Variants in MKLN1 observed in about 807,000 individuals in gnomAD.
MKLN1 encodes muskelin 1.
MKLN1 carries 18 observed loss-of-function variants against 99.0 expected under a neutral mutation model. The ratio of observed to expected loss-of-function variants is 0.18; its 90% CI spans 0.13 to 0.27. The LOEUF (loss-of-function observed/expected upper bound fraction) is 0.27, where lower values mean the gene tolerates loss of function less well. Ranked by LOEUF, MKLN1 falls within the 10% of genes least tolerant of loss-of-function variation. MKLN1 has a pLI of 1.00. For missense variants in MKLN1, 621 were observed against 875.9 expected, an observed-to-expected ratio of 0.71 and a Z score of 3.67; for synonymous variants, 288 against 293.2, an observed-to-expected ratio of 0.98 and a Z score of 0.18.
Position 131,445,765 on chromosome 7 carries a change from C to CT in MKLN1, c.1396-4dup. ...TTACTCCTTTCTTTTTTTTTTTCTT[C>CT]TTTTTCAGAAAAATCGTTGCTTATA... On this transcript the variant is annotated splice_polypyrimidine_tract_variant and intron_variant, in intron 11 of 17. Transcript: ENST00000352689. 6.7e-7 allele frequency: 1 copy of CT among 1,499,510 alleles called. No homozygotes were observed. The highest frequency in any genetic ancestry group is 8.9e-7 in the Non-Finnish European group (1 of 1,125,126). 92.9% of individuals were successfully genotyped at this position (1,499,510 alleles called of 1,614,324 possible).
chr7:131,385,463 G>A (rs1286727688), intron 2 of MKLN1, among the ~76,000 whole-genome samples: 2 of 151,698 alleles, frequency 1.3e-5, no homozygotes, highest in Admixed American at 6.6e-5. Context: ...TATGTGTACC[G>A]TTTTACATTC....
chr7:131,336,322 C>T (rs150013183), intron 1 of MKLN1, among the ~76,000 whole-genome samples: 175 of 151,978 alleles, frequency 1.2e-3, no homozygotes, highest in African/African-American at 4.0e-3. Flanking sequence ...TTTTAATGCT[C>T]CTGTAGCTTT....
At chr7:131,193,026 A>C (rs1796590635) in intron 2 of MKLN1, among the ~76,000 whole-genome samples, 1 of 152,206 alleles carries the variant, frequency 6.6e-6, no homozygotes, top group South Asian at 2.1e-4. Context: ...AGTATATAAT[A>C]AAAAGTATTA....
At chr7:131,196,581 A>T (rs936007161) in intron 2 of MKLN1, among the ~76,000 whole-genome samples, 7 of 152,196 alleles carry the variant, frequency 4.6e-5, no homozygotes, top group Admixed American at 3.9e-4. Flanking sequence ...CAAAATGTAA[A>T]TAATGAAGCT....
intron 4 of MKLN1, among the ~76,000 whole-genome samples, chr7:131,391,828 C>A (rs1208714706): frequency 1.3e-5 from 2 of 152,140 alleles, no homozygotes; most frequent in African/African-American, 4.8e-5. Flanking sequence ...TTTTGGATAT[C>A]TCTTTTGCAC....
At chr7:131,349,882 A>G (rs1360027302) in intron 1 of MKLN1, among the ~76,000 whole-genome samples, 1 of 152,034 alleles carries the variant, frequency 6.6e-6, no homozygotes, top group African/African-American at 2.4e-5. Flanking sequence ...CTTTTTTCCT[A>G]GTGGTCGCTC....
intron 3 of MKLN1, among the ~76,000 whole-genome samples, chr7:131,236,010 C>T (rs1797316286): frequency 1.3e-5 from 2 of 152,152 alleles, no homozygotes; most frequent in African/African-American, 4.8e-5. Context: ...CAAAGGAAGT[C>T]AAATAATAAT....
chr7:131,272,597 A>T (rs1384764911), intron 3 of MKLN1, among the ~76,000 whole-genome samples: 1 of 152,188 alleles, frequency 6.6e-6, no homozygotes, highest in Non-Finnish European at 1.5e-5. Context: ...GTCCATTTTT[A>T]TGCTGCTGAT....
intron 2 of MKLN1, among the ~76,000 whole-genome samples, chr7:131,162,227 A>G (rs1309387506): frequency 6.6e-6 from 1 of 151,664 alleles, no homozygotes; most frequent in Non-Finnish European, 1.5e-5. Flanking sequence ...TAATTTTTGT[A>G]TTTTTAGTAG....
intron 3 of MKLN1, among the ~76,000 whole-genome samples, chr7:131,302,937 T>C (rs759896047): frequency 2.4e-4 from 36 of 152,296 alleles, no homozygotes; most frequent in South Asian, 4.1e-4. Context: ...ACAATCTGTA[T>C]CGTTTGTGTG....
intron 2 of MKLN1, among the ~76,000 whole-genome samples, chr7:131,187,531 A>G (rs1239254709): frequency 6.6e-6 from 1 of 152,218 alleles, no homozygotes; most frequent in African/African-American, 2.4e-5. Flanking sequence ...CAGGTTGTCT[A>G]TGGCTGCTTT....
chr7:131,464,968 A>G (rs1206922611), intron 14 of MKLN1, among the ~76,000 whole-genome samples: 1 of 152,182 alleles, frequency 6.6e-6, no homozygotes, highest in Non-Finnish European at 1.5e-5. Flanking sequence ...ATTACATAGT[A>G]AATTACTGAC....
At chr7:131,425,374 C>A (rs2116409224) in intron 8 of MKLN1, among the ~76,000 whole-genome samples, 1 of 152,198 alleles carries the variant, frequency 6.6e-6, no homozygotes, top group East Asian at 1.9e-4. Context: ...TTCTGAGTCC[C>A]CTCAGCCAGA....
At chr7:131,190,561 T>G (rs186344870) in intron 2 of MKLN1, among the ~76,000 whole-genome samples, 1 of 152,132 alleles carries the variant, frequency 6.6e-6, no homozygotes, top group Non-Finnish European at 1.5e-5. Flanking sequence ...TTATAGAGAC[T>G]ATTTTTTTTT....
chr7:131,261,984 A>G (rs548309870), intron 3 of MKLN1, among the ~76,000 whole-genome samples: 35 of 152,290 alleles, frequency 2.3e-4, no homozygotes, highest in African/African-American at 7.9e-4. Flanking sequence ...ATGAGGACCT[A>G]CTGGAGTGTG....
chr7:131,269,803 T>G (rs1445334245), intron 3 of MKLN1, among the ~76,000 whole-genome samples: 6 of 152,232 alleles, frequency 3.9e-5, no homozygotes, highest in Non-Finnish European at 7.3e-5. Context: ...ATAATGTTTG[T>G]TATCATCTCA....
chr7:131,170,103 G>A (rs986751883), intron 2 of MKLN1, among the ~76,000 whole-genome samples: 9 of 152,020 alleles, frequency 5.9e-5, no homozygotes, highest in African/African-American at 1.7e-4. Context: ...AAAGAGAGAG[G>A]GAGAGAGAGA....
intron 1 of MKLN1, among the ~76,000 whole-genome samples, chr7:131,359,648 C>T (rs1043289704): frequency 1.3e-5 from 2 of 152,034 alleles, no homozygotes; most frequent in African/African-American, 2.4e-5. Flanking sequence ...TATTTTGACA[C>T]GCTTTTGTTT....
At chr7:131,146,741 C>T (rs190075489) in intron 2 of MKLN1, among the ~76,000 whole-genome samples, 61 of 152,256 alleles carry the variant, frequency 4.0e-4, no homozygotes, top group Middle Eastern at 6.8e-3. Context: ...AGTGATAATC[C>T]GTCACTCCCG....
Sources: allele counts gnomAD v4.1 joint callset (sites outside exome capture counted in the v4.1 genomes callset), GRCh38; gene constraint gnomAD v4.1.1; transcripts MANE v1.5; gene names NCBI Gene and HGNC (gene_info 2026-07-23, HGNC 2026-07-21).